NOMO3: variants seen among roughly 807,000 people sequenced by gnomAD.
The protein encoded by NOMO3 is BOS complex subunit NOMO3.
NOMO3 carries 15 observed loss-of-function variants against 69.9 expected under a neutral mutation model. The observed-to-expected ratio is 0.21, with a 90% CI of 0.14 to 0.33. NOMO3 has a LOEUF of 0.33. NOMO3 is among the 10% of genes least tolerant of loss of function. The pLI is 1.00. For synonymous variants in NOMO3, 89 were observed against 301.9 expected (o/e 0.29, Z 7.31); for missense variants, 218 against 761.0 (o/e 0.29, Z 8.39).
rs1159455046 is a variant in NOMO3 at position 16,261,712 on chromosome 16, G to C, written c.1395+36G>C. 7.3e-6 allele frequency: 11 copies of C among 1,497,346 alleles called. 1 individual carries two copies. The highest frequency in any genetic ancestry group is 2.7e-5 in the South Asian group (2 of 73,702). The allele number at this position is 1,497,346 out of a possible 1,614,324, so 92.8% of individuals were successfully genotyped here. On this transcript the variant is annotated intron_variant, in intron 12 of 30. Coordinates refer to ENST00000399336, the MANE Select transcript of NOMO3 (RefSeq NM_001004067.4). ...TTGTTTTAAATTTAAAATGTTTTGA[G>C]AAAAAGCAGTGATTTTTAGAAGGGT...
At position 16,252,983 on chromosome 16, in the gene NOMO3, G is replaced by A. The variant is rs561893916; in HGVS notation, c.963+461G>A. ...TGAGTAGCTGGGACCACAGGCACGT[G>A]CCACCATGCCCAGCTAATTTTTGTA... On this transcript the variant is annotated intron_variant, in intron 9 of 30. Coordinates refer to ENST00000399336, the MANE Select transcript of NOMO3 (RefSeq NM_001004067.4). Among the ~76,000 whole-genome samples the A allele has an allele frequency of 2.9e-4, 39 of 134,904 alleles. 3 individuals are homozygous for A. Among genetic ancestry groups the A allele is most frequent in the Admixed American group, 1.2e-3 (17 of 14,086 alleles). The allele number at this position is 134,904 out of a possible 152,430, so 88.5% of individuals were successfully genotyped here.
intron 2 of NOMO3, among the ~76,000 whole-genome samples, chr16:16,237,988 C>T (rs2049342884): frequency 7.0e-6 from 1 of 143,714 alleles, no homozygotes. Flanking sequence ...CCACAAACAC[C>T]TCTATACAAT....
At chr16:16,260,565 T>C (rs547095076) in intron 11 of NOMO3, among the ~76,000 whole-genome samples, 1 of 143,564 alleles carries the variant, frequency 7.0e-6, no homozygotes, top group Admixed American at 6.7e-5. Flanking sequence ...ACTGTTTTTT[T>C]ATTTGAGGCG....
In NOMO3 at chr16:16,266,531, C is replaced by G. The variant is rs543179567; in HGVS notation, c.1807-513C>G. ...TCCTCGGGGCCTTTGCACATACTCT[C>G]CCCTCTGCCTGGAGTGCTGTGACTT... On this transcript the variant is annotated intron_variant, in intron 15 of 30. Transcript: ENST00000399336. The G allele has an allele frequency of 1.6e-5, 5 of 320,102 alleles. No homozygotes were observed. In the Admixed American group the frequency reaches 1.9e-4, roughly 12 times the overall value. 19.8% of individuals were successfully genotyped at this position (320,102 alleles called of 1,614,324 possible). A position where few individuals can be genotyped will look rare whatever the true frequency, so the allele number is the denominator to read the frequency against.
Position 16,256,145 on chromosome 16 carries a change from A to G in NOMO3, c.1207A>G (p.Ile403Val). 5.7e-6 allele frequency: 9 copies of G among 1,588,030 alleles called. 2 individuals are homozygous for G. Among genetic ancestry groups the G allele is most frequent in the Non-Finnish European group, 7.7e-6 (9 of 1,174,884 alleles). Residue 403 changes from isoleucine to valine, a missense_variant, in exon 11 of 31, where the codon ATT becomes GTT. Transcript: ENST00000399336. ...ACCAAACACACCTCAGCTGGCTGAC[A>G]TTGTTGCAACAGGGTAAGCTTATCG... Reference protein sequence around the residue: ...IAPNTPQLADIVATGFSVCGQ... With the variant: ...IAPNTPQLADVVATGFSVCGQ...
chr16:16,258,640 C>T (rs539079453), intron 11 of NOMO3, among the ~76,000 whole-genome samples: 4 of 142,224 alleles, frequency 2.8e-5, no homozygotes, highest in African/African-American at 2.9e-5. Context: ...CTGAGGTGGG[C>T]GGATCATGAG....
intron 6 of NOMO3, among the ~76,000 whole-genome samples, chr16:16,250,357 C>A (rs2049452130): frequency 9.1e-6 from 1 of 109,794 alleles, no homozygotes. Context: ...AAAATTGGAA[C>A]ATATAGAGGA....
At chr16:16,256,242 T>G (rs1327533981) in intron 11 of NOMO3, 84 bp downstream of exon 11, 4 of 1,516,364 alleles carry the variant, frequency 2.6e-6, no homozygotes, top group Non-Finnish European at 2.6e-6. Context: ...TCTGTGTGTC[T>G]TTGCCGAGCT....
Position 16,288,217 on chromosome 16 carries a change from ACAATC to A in NOMO3, c.3444+358_3444+362del, listed in dbSNP as rs1253858820. Among the ~76,000 whole-genome samples the A allele has an allele frequency of 9.3e-5, 10 of 107,546 alleles. 5 individuals are homozygous for A. Among genetic ancestry groups the A allele is most frequent in the Non-Finnish European group, 1.9e-4 (10 of 52,736 alleles). 70.6% of individuals were successfully genotyped at this position (107,546 alleles called of 152,430 possible). On this transcript the variant is annotated intron_variant, in intron 29 of 30. Transcript: ENST00000399336. Reference sequence around the variant, plus strand: ...ACAAAACAAAACAAAACAAAACAAAACAATCCATGGGGTGGCAAAAGAAGGCATGT... The same window carrying A: ...ACAAAACAAAACAAAACAAAACAAAACATGGGGTGGCAAAAGAAGGCATGT...
Position 16,242,201 on chromosome 16 carries a change from TTGTGTGTG to T in NOMO3, c.302-939_302-932del, listed in dbSNP as rs71276168. Among the ~76,000 whole-genome samples, 898 of 99,390 alleles carry T rather than the reference TTGTGTGTG, an allele frequency of 9.0e-3. 78 individuals carry two copies. Among genetic ancestry groups the T allele is most frequent in the African/African-American group, 0.041 (815 of 19,718 alleles). 65.2% of individuals were successfully genotyped at this position (99,390 alleles called of 152,430 possible). The stretch of plus-strand genomic sequence containing the variant: ...TTTTGCCCATTTTTTATTGGAGTCT[TTGTGTGTG>T]TGTGTGTGTGTGTGTGTGTGCATGT... On this transcript the variant is annotated intron_variant, in intron 3 of 30. Transcript: ENST00000399336.
intron 11 of NOMO3, 73 bp from the exon 12 acceptor site, chr16:16,261,425 CATCT>C (rs2141257890): frequency 6.6e-7 from 1 of 1,514,660 alleles, no homozygotes; most frequent in Admixed American, 1.8e-5. Flanking sequence ...GAGAGGGCTG[CATCT>C]TTTTTGGTCG....
Position 16,270,155 on chromosome 16 carries a change from G to T in NOMO3, c.1929G>T (p.Arg643=). The change falls in exon 17 of 31, where the codon CGG becomes CGT. Residue 643 remains arginine (R), a synonymous_variant. Transcript: ENST00000399336. ...VYKVTPRSCH[R]FEQAFYTYDT... ...AAGTGACCCCTCGCTCCTGCCACCG[G>T]TTTGAGCAAGCGTTCTACACCTATG... The T allele has an allele frequency of 6.4e-7, 1 of 1,557,246 alleles. No individual in the cohort carries two copies. Among genetic ancestry groups the T allele is most frequent in the Non-Finnish European group, 8.6e-7 (1 of 1,165,480 alleles).
At chr16:16,260,826 C>T (rs949937641) in intron 11 of NOMO3, 2 of 143,320 alleles carry the variant, frequency 1.4e-5, no homozygotes, top group African/African-American at 2.9e-5. Context: ...GTGTGTTATT[C>T]GAGGGATGCC....
intron 11 of NOMO3, among the ~76,000 whole-genome samples, chr16:16,257,226 G>A (rs2049518802): frequency 7.7e-6 from 1 of 130,044 alleles, no homozygotes; most frequent in Non-Finnish European, 1.5e-5. Flanking sequence ...GGCCATGAGT[G>A]GTTTTGAGCA....
intron 1 of NOMO3, among the ~76,000 whole-genome samples, chr16:16,234,158 T>G (rs1447786139): frequency 6.6e-6 from 1 of 151,898 alleles, no homozygotes; most frequent in Non-Finnish European, 1.5e-5. Flanking sequence ...CCTGGGTACA[T>G]GTTTCTGGGT....
At chr16:16,264,994 G>A (rs1268971193) in intron 14 of NOMO3, 49 bp from the exon 15 acceptor site, 1 of 1,290,936 alleles carries the variant, frequency 7.7e-7, no homozygotes, top group African/African-American at 2.0e-5. Context: ...GTGCAGGGAG[G>A]TGGTGTGCTC....
intron 16 of NOMO3, among the ~76,000 whole-genome samples, chr16:16,268,463 T>C (rs372147196): frequency 1.4e-5 from 2 of 144,154 alleles, no homozygotes; most frequent in East Asian, 2.2e-4. Context: ...ATTGTGGTTT[T>C]GTTTTGCATT....
At chr16:16,257,609 CAGT>C (rs1293865000) in intron 11 of NOMO3, among the ~76,000 whole-genome samples, 1 of 141,206 alleles carries the variant, frequency 7.1e-6, no homozygotes, top group Non-Finnish European at 1.5e-5. Flanking sequence ...ATTAGAAGAA[CAGT>C]AGGCCAAAAA....
chr16:16,244,219 T>C (rs1424290313), intron 4 of NOMO3, among the ~76,000 whole-genome samples: 2 of 142,554 alleles, frequency 1.4e-5, no homozygotes, highest in Admixed American at 6.8e-5. Flanking sequence ...ATCCCAGCTG[T>C]ATGTGTGGGC....
Sources: allele counts gnomAD v4.1 joint callset (sites outside exome capture counted in the v4.1 genomes callset), GRCh38; gene constraint gnomAD v4.1.1; transcripts MANE v1.5; gene names NCBI Gene and HGNC (gene_info 2026-07-23, HGNC 2026-07-21).